Variants in ADAMTSL1 observed in about 807,000 individuals in gnomAD.
ADAMTSL1 encodes the protein ADAMTS like 1, also known as ADAMTS-like protein 1.
A neutral mutation model predicts 201.8 loss-of-function variants in ADAMTSL1; 126 were observed. The observed-to-expected ratio is 0.62, with a 90% CI of 0.54 to 0.72. The LOEUF (loss-of-function observed/expected upper bound fraction) is 0.72, where lower values mean the gene tolerates loss of function less well. ADAMTSL1 is among the 30% of genes least tolerant of loss of function. ADAMTSL1 has a pLI of 0.00. For synonymous variants in ADAMTSL1, 1,121 were observed against 903.4 expected (o/e 1.24, Z -4.32); for missense variants, 2,679 against 2,277.8 (o/e 1.18, Z -3.59).
intron 4 of ADAMTSL1, among the ~76,000 whole-genome samples, chr9:18,615,449 C>T (rs1193504548): frequency 1.3e-5 from 2 of 152,154 alleles, no homozygotes; most frequent in Non-Finnish European, 2.9e-5. Context: ...AAGTGTAGCT[C>T]TAGAGGTAAT....
At chr9:18,907,016 TC>T in intron 28 of ADAMTSL1, 104 bp downstream of exon 28, 2 of 1,322,278 alleles carry the variant, frequency 1.5e-6, no homozygotes, top group Admixed American at 2.0e-5. Context: ...GGGGTCAGCT[TC>T]CCCAGGGATT....
At chr9:18,256,832 T>A (rs1831708307) in intron 2 of ADAMTSL1, among the ~76,000 whole-genome samples, 1 of 152,300 alleles carries the variant, frequency 6.6e-6, no homozygotes, top group South Asian at 2.1e-4. Context: ...CTTGGGAATG[T>A]TTTCTTTGAT....
At chr9:17,915,725 T>G (rs1263904509) in intron 1 of ADAMTSL1, among the ~76,000 whole-genome samples, 1 of 152,214 alleles carries the variant, frequency 6.6e-6, no homozygotes, top group East Asian at 1.9e-4. Context: ...TGTGGTCTTT[T>G]CTTTTGGTCA....
intron 1 of ADAMTSL1, among the ~76,000 whole-genome samples, chr9:18,086,831 A>C (rs180968690): frequency 3.9e-5 from 6 of 152,302 alleles, no homozygotes; most frequent in Admixed American, 2.0e-4. Flanking sequence ...AATTTTTCAT[A>C]GTATTAGCTT....
Position 18,909,177 on chromosome 9 carries a change from C to T in ADAMTSL1, c.*629C>T, listed in dbSNP as rs1423551393. The T allele has an allele frequency of 6.6e-6, 1 of 152,622 alleles. No individual in the cohort carries two copies. The highest frequency in any genetic ancestry group is 2.4e-5 in the African/African-American group (1 of 41,424). 9.5% of individuals were successfully genotyped at this position (152,622 alleles called of 1,614,324 possible). ...AAAGCAAACAAAGCAGGCTCTAAGG[C>T]ACACAACATTGCAGAAAATGAGGAA... On this transcript the variant is annotated 3_prime_UTR_variant, in exon 29 of 29. Coordinates refer to ENST00000380548, the MANE Select transcript of ADAMTSL1 (RefSeq NM_001040272.6).
chr9:18,607,611 T>G (rs192837454), intron 4 of ADAMTSL1, among the ~76,000 whole-genome samples: 1 of 152,236 alleles, frequency 6.6e-6, no homozygotes, highest in Non-Finnish European at 1.5e-5. Context: ...AGTTTTAGGG[T>G]ACATGTGCAC....
intron 2 of ADAMTSL1, among the ~76,000 whole-genome samples, chr9:18,285,523 A>G (rs367830558): frequency 3.3e-5 from 5 of 152,210 alleles, no homozygotes; most frequent in Admixed American, 2.6e-4. Context: ...TTTTAAATAC[A>G]ATTATTAGCT....
At chr9:18,285,892 G>T (rs1832973592) in intron 2 of ADAMTSL1, among the ~76,000 whole-genome samples, 1 of 152,124 alleles carries the variant, frequency 6.6e-6, no homozygotes, top group Non-Finnish European at 1.5e-5. Flanking sequence ...GTGTGCAATT[G>T]ACTGGGTTTT....
At chr9:18,543,779 C>A (rs1410075087) in intron 3 of ADAMTSL1, among the ~76,000 whole-genome samples, 2 of 152,158 alleles carry the variant, frequency 1.3e-5, no homozygotes, top group African/African-American at 4.8e-5. Context: ...GTGCTTGCTG[C>A]CAGGCAGCTG....
At chr9:17,919,399 C>A (rs993722506) in intron 1 of ADAMTSL1, among the ~76,000 whole-genome samples, 1 of 151,952 alleles carries the variant, frequency 6.6e-6, no homozygotes, top group Non-Finnish European at 1.5e-5. Flanking sequence ...TTCACAGTTA[C>A]ATTAAACCAT....
At chr9:18,717,205 T>G (rs1462159970) in intron 14 of ADAMTSL1, among the ~76,000 whole-genome samples, 2 of 149,640 alleles carry the variant, frequency 1.3e-5, no homozygotes, top group African/African-American at 4.9e-5. Flanking sequence ...CTGCACATTG[T>G]GCACATGTAC....
At chr9:18,457,269 C>T (rs985614189) in intron 2 of ADAMTSL1, among the ~76,000 whole-genome samples, 1 of 152,110 alleles carries the variant, frequency 6.6e-6, no homozygotes, top group African/African-American at 2.4e-5. Flanking sequence ...AATAGTGACA[C>T]ATCAGTTAAA....
At chr9:18,906,129 G>C (rs1349392790) in intron 27 of ADAMTSL1, among the ~76,000 whole-genome samples, 3 of 152,176 alleles carry the variant, frequency 2.0e-5, no homozygotes, top group South Asian at 4.1e-4. Context: ...GAGTGCAAGG[G>C]TGTTATTCTT....
At chr9:18,444,874 C>G (rs1201920772) in intron 2 of ADAMTSL1, among the ~76,000 whole-genome samples, 1 of 152,098 alleles carries the variant, frequency 6.6e-6, no homozygotes, top group Non-Finnish European at 1.5e-5. Flanking sequence ...TCAGCAACAG[C>G]TAACACTGTT....
At chr9:18,759,056 C>G (rs929512013) in intron 16 of ADAMTSL1, among the ~76,000 whole-genome samples, 1 of 152,192 alleles carries the variant, frequency 6.6e-6, no homozygotes, top group African/African-American at 2.4e-5. Context: ...CTTTGAAACA[C>G]AATTTATATT....
chr9:18,531,823 A>T (rs1262758070), intron 2 of ADAMTSL1, among the ~76,000 whole-genome samples: 3 of 152,212 alleles, frequency 2.0e-5, no homozygotes, highest in African/African-American at 7.2e-5. Flanking sequence ...ATTAGGAGGC[A>T]TTAAAGCATT....
chr9:18,821,841 C>G (rs1383850513), intron 21 of ADAMTSL1, among the ~76,000 whole-genome samples: 1 of 152,130 alleles, frequency 6.6e-6, no homozygotes, highest in Non-Finnish European at 1.5e-5. Flanking sequence ...GTGCAGGCAG[C>G]CTTCCAAATG....
chr9:18,004,554 A>G (rs1283524066), intron 1 of ADAMTSL1, among the ~76,000 whole-genome samples: 1 of 152,078 alleles, frequency 6.6e-6, no homozygotes, highest in Non-Finnish European at 1.5e-5. Context: ...TGTCACACAC[A>G]GGTGTTTGTT....
chr9:18,675,004 T>TAGTAG (rs1830056425), intron 9 of ADAMTSL1, among the ~76,000 whole-genome samples: 1 of 151,908 alleles, frequency 6.6e-6, no homozygotes, highest in Non-Finnish European at 1.5e-5. Flanking sequence ...GTCAGAGTAG[T>TAGTAG]TTATTGGCAT....
Sources: gnomAD v4.1 joint callset for allele counts (sites outside exome capture counted in the v4.1 genomes callset) on GRCh38, gnomAD v4.1.1 for gene constraint, MANE v1.5 for transcripts, NCBI Gene and HGNC (gene_info 2026-07-23, HGNC 2026-07-21) for gene names.